Variants in ANKFN1 observed in about 807,000 individuals in gnomAD.
ANKFN1 encodes ankyrin repeat and fibronectin type III domain containing 1.
Under a neutral mutation model 108.7 loss-of-function variants are expected in ANKFN1, and 74 were observed. The ratio of observed to expected loss-of-function variants is 0.68; its 90% CI spans 0.56 to 0.83. ANKFN1 has a LOEUF of 0.83. ANKFN1 is among the 40% of genes least tolerant of loss of function. The probability of loss-of-function intolerance (pLI) is 0.00; values close to 1 mark genes in which losing one functional copy is unlikely to be tolerated. For synonymous variants in ANKFN1, 547 were observed against 516.2 expected, an observed-to-expected ratio of 1.06 and a Z score of -0.81; for missense variants, 1,505 against 1,382.3, an observed-to-expected ratio of 1.09 and a Z score of -1.41.
At chr17:56,465,058 A>G (rs949025944) in intron 14 of ANKFN1, among the ~76,000 whole-genome samples, 1 of 152,102 alleles carries the variant, frequency 6.6e-6, no homozygotes, top group Non-Finnish European at 1.5e-5. Flanking sequence ...CACCACAGAA[A>G]CCGGCATATG....
At chr17:56,150,159 A>G (rs1312520288), upstream of ANKFN1, among the ~76,000 whole-genome samples, 1 of 152,216 alleles carries the variant, frequency 6.6e-6, no homozygotes, top group Non-Finnish European at 1.5e-5. Flanking sequence ...AAAGTTCCAT[A>G]TAGGGCAAAG....
At chr17:56,312,287 C>G (rs548888628) in intron 3 of ANKFN1, among the ~76,000 whole-genome samples, 1 of 152,298 alleles carries the variant, frequency 6.6e-6, no homozygotes, top group Admixed American at 6.5e-5. Context: ...CCACATGTGT[C>G]TGGCTGCCAA....
chr17:56,411,523 T>G (rs1187829201), intron 8 of ANKFN1, among the ~76,000 whole-genome samples: 3 of 152,196 alleles, frequency 2.0e-5, no homozygotes, highest in Non-Finnish European at 4.4e-5. Flanking sequence ...TCTAGTAATA[T>G]GTTGAATAGA....
intron 4 of ANKFN1, among the ~76,000 whole-genome samples, chr17:56,347,702 C>G (rs1598437647): frequency 6.6e-6 from 1 of 151,900 alleles, no homozygotes; most frequent in South Asian, 2.1e-4. Flanking sequence ...TAGATGAAAG[C>G]TAGAAGAGTG....
intron 8 of ANKFN1, among the ~76,000 whole-genome samples, chr17:56,385,568 T>G (rs1193795827): frequency 6.6e-6 from 1 of 152,068 alleles, no homozygotes; most frequent in Non-Finnish European, 1.5e-5. Context: ...CACAACCTAC[T>G]CATCTGACAA....
At chr17:56,216,747 G>A (rs1438976117) in intron 2 of ANKFN1, among the ~76,000 whole-genome samples, 1 of 152,178 alleles carries the variant, frequency 6.6e-6, no homozygotes, top group Non-Finnish European at 1.5e-5. Context: ...GTAAAGCAAA[G>A]CCTCAGGTGG....
intron 18 of ANKFN1, among the ~76,000 whole-genome samples, chr17:56,491,677 G>C (rs975767910): frequency 2.0e-5 from 3 of 152,128 alleles, no homozygotes; most frequent in African/African-American, 7.2e-5. Context: ...ATAGGCCCTT[G>C]GGGAAGTTTT....
At chr17:56,346,625 C>G (rs2144648269) in intron 4 of ANKFN1, among the ~76,000 whole-genome samples, 1 of 152,064 alleles carries the variant, frequency 6.6e-6, no homozygotes, top group African/African-American at 2.4e-5. Flanking sequence ...GTTAATATCC[C>G]AGATCCTGAA....
chr17:56,175,378 T>A (rs1384818491), intron 1 of ANKFN1, among the ~76,000 whole-genome samples: 1 of 152,168 alleles, frequency 6.6e-6, no homozygotes, highest in Non-Finnish European at 1.5e-5. Context: ...TAGATATAAC[T>A]GGTTGGGAGT....
At chr17:56,423,521 C>T (rs1467283363) in intron 8 of ANKFN1, among the ~76,000 whole-genome samples, 1 of 152,202 alleles carries the variant, frequency 6.6e-6, no homozygotes. Flanking sequence ...CGTACAAGGC[C>T]TTCCGCATAT....
At chr17:56,185,428 C>A (rs1157116756) in intron 1 of ANKFN1, among the ~76,000 whole-genome samples, 1 of 152,148 alleles carries the variant, frequency 6.6e-6, no homozygotes, top group Non-Finnish European at 1.5e-5. Context: ...TTTATAACCC[C>A]CCTTCCCATA....
At chr17:56,509,819 CTT>C (rs1375311094) in intron 20 of ANKFN1, among the ~76,000 whole-genome samples, 1 of 152,242 alleles carries the variant, frequency 6.6e-6, no homozygotes, top group Non-Finnish European at 1.5e-5. Context: ...ACAAATCAGA[CTT>C]TATCCATGAA....
At chr17:56,131,598 A>G (rs1167853473) in intron 4 of ANKFN1, among the ~76,000 whole-genome samples, 1 of 152,238 alleles carries the variant, frequency 6.6e-6, no homozygotes, top group African/African-American at 2.4e-5. Flanking sequence ...TCACCCAAGA[A>G]TCCAGAACTA....
At chr17:56,373,224 C>T (rs758202847) in intron 7 of ANKFN1, among the ~76,000 whole-genome samples, 1 of 152,192 alleles carries the variant, frequency 6.6e-6, no homozygotes, top group Non-Finnish European at 1.5e-5. Flanking sequence ...CTGCTCCAAG[C>T]TCAAGTTTAA....
intron 8 of ANKFN1, among the ~76,000 whole-genome samples, chr17:56,415,543 T>G (rs1454056572): frequency 6.6e-6 from 1 of 152,098 alleles, no homozygotes; most frequent in East Asian, 1.9e-4. Context: ...TATAAAACAC[T>G]GATGAAAGAA....
intron 3 of ANKFN1, among the ~76,000 whole-genome samples, chr17:56,264,057 G>A (rs2043587523): frequency 6.6e-6 from 1 of 152,200 alleles, no homozygotes; most frequent in Non-Finnish European, 1.5e-5. Context: ...CAGTACTGTA[G>A]TCCCACTGAA....
rs999008228 is a variant in ANKFN1, at chr17:56,514,290, A to T, written c.*3021A>T. ...ATTGAGATCCAAAGAATCAAGTGTGAAACATAGTCCTAGGCCACAAGAAGC... is the reference window on the plus strand; with the variant it reads ...ATTGAGATCCAAAGAATCAAGTGTGTAACATAGTCCTAGGCCACAAGAAGC... On this transcript the variant is annotated 3_prime_UTR_variant, in exon 21 of 21. Transcript: ENST00000682825. Among the ~76,000 whole-genome samples the T allele has an allele frequency of 2.3e-4, 35 of 152,334 alleles. No homozygotes were observed. The highest frequency in any genetic ancestry group is 7.2e-4 in the African/African-American group (30 of 41,566).
chr17:56,224,027 G>A (rs576988630), intron 2 of ANKFN1, among the ~76,000 whole-genome samples: 2 of 152,320 alleles, frequency 1.3e-5, no homozygotes, highest in South Asian at 2.1e-4. Flanking sequence ...TGGAAGAATC[G>A]AGACTTGAAC....
chr17:56,222,712 G>C (rs1915973385), intron 2 of ANKFN1, among the ~76,000 whole-genome samples: 1 of 152,066 alleles, frequency 6.6e-6, no homozygotes, highest in African/African-American at 2.4e-5. Context: ...AGAAATGGAA[G>C]TTATGCATGC....
Sources: allele counts gnomAD v4.1 joint callset (sites outside exome capture counted in the v4.1 genomes callset), GRCh38; gene constraint gnomAD v4.1.1; transcripts MANE v1.5; gene names NCBI Gene and HGNC (gene_info 2026-07-23, HGNC 2026-07-21).